ESRRB: variants seen among roughly 807,000 people sequenced by gnomAD.
ESRRB encodes the protein estrogen related receptor beta.
Under a neutral mutation model 46.0 loss-of-function variants are expected in ESRRB, and 16 were observed. That is an observed-to-expected ratio of 0.35 (90% CI 0.24 to 0.53). ESRRB has a LOEUF of 0.53. ESRRB is among the 20% of genes least tolerant of loss of function. The pLI, the probability that ESRRB is intolerant of heterozygous loss-of-function variation, is 0.93. For missense variants in ESRRB, 488 were observed against 607.4 expected (o/e 0.80, Z 2.07); for synonymous variants, 246 against 259.6 (o/e 0.95, Z 0.50).
At chr14:76,415,070 G>A (rs1886639708) in intron 1 of ESRRB, among the ~76,000 whole-genome samples, 1 of 152,190 alleles carries the variant, frequency 6.6e-6, no homozygotes, top group Admixed American at 6.5e-5. Context: ...AGGGTGCTGT[G>A]GGGACCCAGA....
rs1889850642 is a variant in ESRRB, at chr14:76,482,565, C to T, written c.689-33C>T. The stretch of plus-strand genomic sequence containing the variant: ...CACCCCGGCCCCTTTCCTCTTTTCC[C>T]AGCATTTACCTTTCCCTCTTTGGTT... On this transcript the variant is annotated intron_variant, in intron 4 of 6. Coordinates refer to ENST00000644823, the MANE Select transcript of ESRRB (RefSeq NM_001379180.1). This position sits in a 1 kb window ranked among gnomAD's most constrained non-coding sequence, Gnocchi z 4.3. 3 of 1,613,736 alleles carry T rather than the reference C, an allele frequency of 1.9e-6. No individual in the cohort carries two copies. The highest frequency in any genetic ancestry group is 1.3e-5 in the African/African-American group (1 of 74,914).
intron 3 of ESRRB, among the ~76,000 whole-genome samples, chr14:76,469,951 T>TC (rs1405501663): frequency 1.5e-5 from 2 of 133,368 alleles, no homozygotes; most frequent in Non-Finnish European, 3.2e-5. Flanking sequence ...TTTCTTTTTT[T>TC]TTTTTTTTTT....
intron 1 of ESRRB, among the ~76,000 whole-genome samples, chr14:76,426,146 T>C (rs1309596424): frequency 6.6e-6 from 1 of 152,032 alleles, no homozygotes; most frequent in Non-Finnish European, 1.5e-5. Flanking sequence ...TTTCACAAGG[T>C]GTTCAGGGGC....
chr14:76,432,671 CTTTTTTTT>C (rs529243634), intron 1 of ESRRB, among the ~76,000 whole-genome samples: 4 of 111,474 alleles, frequency 3.6e-5, no homozygotes, highest in Non-Finnish European at 5.0e-5. Context: ...TTCTCTCTCT[CTTTTTTTT>C]TTTTTTTTTT....
intron 5 of ESRRB, among the ~76,000 whole-genome samples, chr14:76,490,235 G>A (rs1890172143): frequency 2.6e-5 from 4 of 152,206 alleles, no homozygotes; most frequent in African/African-American, 9.7e-5. Context: ...GTTTCTGTTT[G>A]AATCTCCAGT....
intron 1 of ESRRB, among the ~76,000 whole-genome samples, chr14:76,335,667 G>T (rs1053577520): frequency 3.3e-5 from 5 of 152,100 alleles, no homozygotes; most frequent in Admixed American, 2.0e-4. Context: ...GCTGGTTGGT[G>T]GGTTCTAAGT....
At chr14:76,316,248 T>C (rs935350) in intron 1 of ESRRB, among the ~76,000 whole-genome samples, 120,462 of 152,146 alleles carry the variant, frequency 0.79, 47,985 homozygotes, top group South Asian at 0.86. Flanking sequence ...TACTCCTTGT[T>C]CCCATGCAGG....
At chr14:76,437,192 C>T (rs918641928) in intron 1 of ESRRB, among the ~76,000 whole-genome samples, 12 of 152,234 alleles carry the variant, frequency 7.9e-5, no homozygotes, top group East Asian at 7.7e-4. Flanking sequence ...CCACCATGCC[C>T]GGATAATTTT....
intron 2 of ESRRB, among the ~76,000 whole-genome samples, chr14:76,462,097 G>C (rs756017808): frequency 3.9e-5 from 6 of 152,250 alleles, no homozygotes; most frequent in Non-Finnish European, 8.8e-5. Flanking sequence ...GATCCTGGTG[G>C]ACGCAGAGTT....
chr14:76,361,285 A>C (rs1415464286), intron 1 of ESRRB, among the ~76,000 whole-genome samples: 6 of 152,110 alleles, frequency 3.9e-5, no homozygotes, highest in African/African-American at 1.4e-4. Context: ...GGCTGCCTTG[A>C]GATGTCCCTT....
At chr14:76,365,506 A>C (rs985771594) in intron 1 of ESRRB, among the ~76,000 whole-genome samples, 1 of 152,088 alleles carries the variant, frequency 6.6e-6, no homozygotes, top group African/African-American at 2.4e-5. Context: ...CAAACAAACA[A>C]GCCCCCCACT....
chr14:76,368,398 AAGC>A (rs1884552037), upstream of ESRRB, among the ~76,000 whole-genome samples: 1 of 152,062 alleles, frequency 6.6e-6, no homozygotes, highest in Admixed American at 6.5e-5. Flanking sequence ...AATTACCCCA[AAGC>A]AGTGTTTATC....
intron 1 of ESRRB, among the ~76,000 whole-genome samples, chr14:76,429,597 A>C (rs1436081676): frequency 6.6e-6 from 1 of 152,062 alleles, no homozygotes; most frequent in Non-Finnish European, 1.5e-5. Context: ...CTAAAAATAC[A>C]AAATTAACTG....
intron 1 of ESRRB, among the ~76,000 whole-genome samples, chr14:76,415,056 T>C (rs963367510): frequency 6.6e-6 from 1 of 152,212 alleles, no homozygotes; most frequent in Non-Finnish European, 1.5e-5. Flanking sequence ...GGCCAGCACT[T>C]CTCAGGGTGC....
intron 1 of ESRRB, among the ~76,000 whole-genome samples, chr14:76,393,676 G>A (rs1390070757): frequency 6.6e-6 from 1 of 152,174 alleles, no homozygotes; most frequent in African/African-American, 2.4e-5. Context: ...CCAAGCAGGT[G>A]CCCATGTCCA....
chr14:76,450,311 C>G (rs1205823414), intron 2 of ESRRB, among the ~76,000 whole-genome samples: 2 of 152,078 alleles, frequency 1.3e-5, no homozygotes, highest in African/African-American at 4.8e-5. Flanking sequence ...TGTCAGTGAG[C>G]AAAGGCAAAG....
At chr14:76,494,851 C>T (rs537893165) in intron 6 of ESRRB, among the ~76,000 whole-genome samples, 6 of 152,080 alleles carry the variant, frequency 3.9e-5, no homozygotes, top group African/African-American at 1.4e-4. Flanking sequence ...GAGGTCAAGC[C>T]CTCTATTCTG....
chr14:76,437,072 C>T (rs1887704503), intron 1 of ESRRB, among the ~76,000 whole-genome samples: 1 of 152,136 alleles, frequency 6.6e-6, no homozygotes, highest in African/African-American at 2.4e-5. Context: ...TGCTCTGTCT[C>T]CCGGGCTAGA....
At chr14:76,478,390 A>G (rs528794624) in intron 3 of ESRRB, among the ~76,000 whole-genome samples, 1 of 152,202 alleles carries the variant, frequency 6.6e-6, no homozygotes, top group African/African-American at 2.4e-5. Context: ...AGACATCGGC[A>G]GAGGTGGCAG....
Sources: gnomAD v4.1 joint callset for allele counts (sites outside exome capture counted in the v4.1 genomes callset) on GRCh38, gnomAD v4.1.1 for gene constraint, Gnocchi (gnomAD v3.1) non-coding constraint, MANE v1.5 for transcripts, NCBI Gene and HGNC (gene_info 2026-07-23, HGNC 2026-07-21) for gene names.